The following FAAH2 variants were observed in gnomAD, a reference collection of about 807,000 sequenced individuals.
FAAH2 encodes fatty acid amide hydrolase 2, also known as fatty-acid amide hydrolase 2.
In FAAH2, 60 loss-of-function variants were observed where a neutral mutation model predicts 36.9. The observed-to-expected ratio is 1.63, with a 90% CI of 1.32 to 2.02. The LOEUF (loss-of-function observed/expected upper bound fraction) is 2.02, where lower values mean the gene tolerates loss of function less well. Ranked by LOEUF, FAAH2 falls within the 30% of genes most tolerant of loss-of-function variation. The pLI is 0.00. For synonymous variants in FAAH2, 214 were observed against 143.8 expected (o/e 1.49, Z -3.49); for missense variants, 689 against 397.5 (o/e 1.73, Z -6.23).
the FAAH2 span, among the ~76,000 whole-genome samples, chrX:57,215,825 G>A: frequency 1.9e-5 from 2 of 106,866 alleles, no homozygotes; most frequent in South Asian, 8.8e-4. Flanking sequence ...GGTGGTGGGG[G>A]CAAGGGGAAG....
the FAAH2 span, among the ~76,000 whole-genome samples, chrX:57,228,219 A>G: frequency 9.0e-6 from 1 of 111,485 alleles, no homozygotes; most frequent in East Asian, 2.8e-4. Context: ...CTCATTGTGG[A>G]GTTTTACCCC....
chrX:57,261,534 C>A, the FAAH2 span, among the ~76,000 whole-genome samples: 1 of 70,491 alleles, frequency 1.4e-5, no homozygotes. Flanking sequence ...GCCTGGGCAA[C>A]AGAGCGAGAC....
intron 10 of FAAH2, among the ~76,000 whole-genome samples, chrX:57,483,490 T>G (rs779249018): frequency 2.2e-4 from 24 of 111,088 alleles, no homozygotes; most frequent in Non-Finnish European, 4.1e-4. Context: ...ATCCACAGTT[T>G]GAATTCTTTA....
Position 57,383,877 on chromosome X carries a change from A to C in FAAH2, c.996+2848A>C, listed in dbSNP as rs372714294. ...GCCCACATTGCCAAGTCAATCCTAA[A>C]CCAAAAGAACAAAGCTGGAGGCATC... On this transcript the variant is annotated intron_variant, in intron 7 of 10. Transcript: ENST00000374900. Among the ~76,000 whole-genome samples the C allele has an allele frequency of 9.0e-5, 10 of 111,728 alleles. No homozygotes were observed. The South Asian group carries it at 3.8e-3, about 42-fold the overall frequency.
intron 8 of FAAH2, among the ~76,000 whole-genome samples, chrX:57,446,525 T>C (rs1293502536): frequency 8.9e-6 from 1 of 112,008 alleles, no homozygotes; most frequent in Non-Finnish European, 1.9e-5. Context: ...AATTTTAGAA[T>C]ATTTTCGTCA....
chrX:57,185,520 G>T, the FAAH2 span, among the ~76,000 whole-genome samples: 1 of 108,521 alleles, frequency 9.2e-6, no homozygotes, highest in Non-Finnish European at 1.9e-5. Context: ...GTGTGTGTGT[G>T]TGTGTTCGTG....
At chrX:57,190,994 G>A in the FAAH2 span, among the ~76,000 whole-genome samples, 1,973 of 111,375 alleles carry the variant, frequency 0.018, 18 homozygotes, top group Middle Eastern at 0.041. Flanking sequence ...TTTCTTTGGG[G>A]ATATAAACCC....
At chrX:57,268,378 G>C in the FAAH2 span, among the ~76,000 whole-genome samples, 1 of 111,501 alleles carries the variant, frequency 9.0e-6, no homozygotes, top group Non-Finnish European at 1.9e-5. Flanking sequence ...ATGACTGATT[G>C]GTGTACCTGA....
intron 3 of FAAH2, among the ~76,000 whole-genome samples, chrX:57,317,767 T>G (rs950982648): frequency 8.9e-6 from 1 of 111,843 alleles, no homozygotes; most frequent in African/African-American, 3.2e-5. Flanking sequence ...TATTTGGAAG[T>G]AAAACACTCC....
chrX:57,323,590 A>T (rs2053102774), intron 3 of FAAH2, among the ~76,000 whole-genome samples: 1 of 110,266 alleles, frequency 9.1e-6, no homozygotes, highest in Admixed American at 9.6e-5. Context: ...GACAGTGATG[A>T]TAAGCATTTT....
chrX:57,395,977 C>T (rs1172553484), intron 7 of FAAH2, among the ~76,000 whole-genome samples: 1 of 111,210 alleles, frequency 9.0e-6, no homozygotes, highest in Admixed American at 9.6e-5. Context: ...TGGTCCTGGG[C>T]CATTTTTGTT....
intron 5 of FAAH2, among the ~76,000 whole-genome samples, chrX:57,353,399 A>C (rs1209783954): frequency 9.2e-6 from 1 of 108,246 alleles, no homozygotes; most frequent in African/African-American, 3.3e-5. Flanking sequence ...GTCATATATA[A>C]AAGAATGAAA....
At chrX:57,447,487 G>C (rs2056699538) in intron 9 of FAAH2, among the ~76,000 whole-genome samples, 1 of 87,992 alleles carries the variant, frequency 1.1e-5, no homozygotes, top group Non-Finnish European at 2.1e-5. Context: ...GAGGTTTTCT[G>C]TGAGGGCCTT....
intron 5 of FAAH2, 140 bp from the exon 6 acceptor site, chrX:57,378,511 C>A (rs2054746061): frequency 1.5e-5 from 11 of 718,499 alleles, no homozygotes; most frequent in African/African-American, 2.2e-5. Flanking sequence ...TGTGAAACTA[C>A]TGCAATGAGA....
intron 10 of FAAH2, among the ~76,000 whole-genome samples, chrX:57,458,136 A>G (rs1156793859): frequency 9.0e-6 from 1 of 111,437 alleles, no homozygotes. Flanking sequence ...ACCCAGAAAT[A>G]AACCTGCCAC....
At chrX:57,192,825 C>T in the FAAH2 span, among the ~76,000 whole-genome samples, 14 of 111,977 alleles carry the variant, frequency 1.3e-4, no homozygotes, top group South Asian at 3.7e-4. Flanking sequence ...ATTTCATGGA[C>T]GCTTATCACT....
the FAAH2 span, among the ~76,000 whole-genome samples, chrX:57,170,854 G>A: frequency 3.7e-5 from 4 of 107,132 alleles, no homozygotes; most frequent in Non-Finnish European, 1.9e-5. Context: ...ACAGGCGCTC[G>A]CCACCATGAC....
intron 7 of FAAH2, among the ~76,000 whole-genome samples, chrX:57,398,279 G>C (rs1426828144): frequency 8.9e-6 from 1 of 112,028 alleles, no homozygotes; most frequent in Non-Finnish European, 1.9e-5. Context: ...CTGCTTTTAA[G>C]ATTTGTTTTT....
chrX:57,201,821 T>C, the FAAH2 span, among the ~76,000 whole-genome samples: 1 of 111,593 alleles, frequency 9.0e-6, no homozygotes, highest in African/African-American at 3.3e-5. Context: ...GTAGGCATGC[T>C]TCATTGTTTT....
Sources: allele counts gnomAD v4.1 joint callset (sites outside exome capture counted in the v4.1 genomes callset), GRCh38; gene constraint gnomAD v4.1.1; transcripts MANE v1.5; gene names NCBI Gene and HGNC (gene_info 2026-07-23, HGNC 2026-07-21).